KCNB2: variants seen among roughly 807,000 people sequenced by gnomAD.
KCNB2 encodes potassium voltage-gated channel subfamily B member 2.
A neutral mutation model predicts 61.5 loss-of-function variants in KCNB2; 15 were observed. That is an observed-to-expected ratio of 0.24 (90% CI 0.16 to 0.38). The LOEUF is 0.38. KCNB2 is among the 10% of genes least tolerant of loss of function. KCNB2 has a pLI of 1.00. For synonymous variants in KCNB2, 457 were observed against 446.0 expected (o/e 1.02, Z -0.31); for missense variants, 828 against 1,125.2 (o/e 0.74, Z 3.78).
intron 2 of KCNB2, among the ~76,000 whole-genome samples, chr8:72,852,493 C>A (rs1810133363): frequency 6.6e-6 from 1 of 152,088 alleles, no homozygotes; most frequent in South Asian, 2.1e-4. Flanking sequence ...TGAAATATTG[C>A]AGGGCCCGTA....
At chr8:72,596,620 A>G (rs925828839) in intron 2 of KCNB2, among the ~76,000 whole-genome samples, 2 of 152,348 alleles carry the variant, frequency 1.3e-5, no homozygotes, top group African/African-American at 4.8e-5. Flanking sequence ...ATTGCATTCT[A>G]TTTATAACTT....
chr8:72,730,053 G>A (rs1030891326), intron 2 of KCNB2, among the ~76,000 whole-genome samples: 1 of 152,108 alleles, frequency 6.6e-6, no homozygotes, highest in Non-Finnish European at 1.5e-5. Flanking sequence ...TGTTTTTGGT[G>A]TTGTTTAATG....
intron 2 of KCNB2, among the ~76,000 whole-genome samples, chr8:72,716,818 T>A (rs1256820490): frequency 6.6e-6 from 1 of 152,064 alleles, no homozygotes; most frequent in Admixed American, 6.6e-5. Context: ...GCCAGGGCAA[T>A]CAGGCAGGAG....
chr8:72,886,715 A>G (rs1044979355), intron 2 of KCNB2, among the ~76,000 whole-genome samples: 29 of 152,348 alleles, frequency 1.9e-4, no homozygotes, highest in African/African-American at 7.0e-4. Context: ...CCTGGCAATG[A>G]CGTTCACAGT....
chr8:72,840,765 G>A (rs1022280558), intron 2 of KCNB2, among the ~76,000 whole-genome samples: 1 of 151,396 alleles, frequency 6.6e-6, no homozygotes, highest in African/African-American at 2.4e-5. Context: ...TTTTTTTCTT[G>A]TAAATTTGTT....
At chr8:72,906,616 AG>A (rs1806181874) in intron 2 of KCNB2, among the ~76,000 whole-genome samples, 1 of 152,202 alleles carries the variant, frequency 6.6e-6, no homozygotes, top group Admixed American at 6.5e-5. Flanking sequence ...AACGTGGTGG[AG>A]CCAAAATAGA....
chr8:72,699,479 T>C (rs1807078538), intron 2 of KCNB2, among the ~76,000 whole-genome samples: 1 of 152,126 alleles, frequency 6.6e-6, no homozygotes, highest in South Asian at 2.1e-4. Context: ...AAGTACCCTG[T>C]AGATTCTGGA....
chr8:72,582,026 C>A (rs1170557694), intron 2 of KCNB2, among the ~76,000 whole-genome samples: 1 of 152,154 alleles, frequency 6.6e-6, no homozygotes, highest in Non-Finnish European at 1.5e-5. Context: ...CTTTACAGGT[C>A]CTAGGCCCCA....
In KCNB2 at chr8:72,937,892, G is replaced by A. The variant is rs1169950081; in HGVS notation, c.2537G>A (p.Arg846Lys). The A allele has an allele frequency of 6.2e-7, 1 of 1,614,090 alleles. No individual in the cohort carries two copies. Among genetic ancestry groups the A allele is most frequent in the African/African-American group, 1.3e-5 (1 of 75,038 alleles). The change falls in exon 3 of 3, where the codon AGA becomes AAA. Residue 846 changes from arginine to lysine, a missense_variant. This residue lies in a region of KCNB2 where 559 missense variants were observed against 588.4 expected (regional missense o/e 0.95). Transcript: ENST00000523207. ...DKPSDGRDPL[R>K]EEGSVGSSSP... ...CCTAGTGATGGGAGAGACCCTTTAA[G>A]AGAAGAGGGCAGTGTGGGCTCTTCC...
chr8:72,937,299 C>A lies in KCNB2; in HGVS notation c.1944C>A (p.Gly648=), dbSNP rs763584250. Residue 648 remains glycine (G), a synonymous_variant, in exon 3 of 3, where the codon GGC becomes GGA. Coordinates refer to ENST00000523207, the MANE Select transcript of KCNB2 (RefSeq NM_004770.3). ...PGTEEHQRAR[G]PPFLTLSREK... ...CAGAAGAGCACCAAAGAGCTAGGGGCCCCCCGTTTCTAACTCTATCCAGAG... is the reference window on the plus strand; with the variant it reads ...CAGAAGAGCACCAAAGAGCTAGGGGACCCCCGTTTCTAACTCTATCCAGAG... 2 of 1,613,642 alleles carry A rather than the reference C, an allele frequency of 1.2e-6. No homozygotes were observed. The highest frequency in any genetic ancestry group is 1.3e-5 in the African/African-American group (1 of 74,884).
chr8:72,857,554 G>A (rs1005727245), intron 2 of KCNB2, among the ~76,000 whole-genome samples: 7 of 37,644 alleles, frequency 1.9e-4, no homozygotes, highest in African/African-American at 2.8e-4. Flanking sequence ...AGGTGCCTAC[G>A]AGATGTTGTT....
At chr8:72,776,732 C>T (rs946541435) in intron 2 of KCNB2, among the ~76,000 whole-genome samples, 8 of 152,250 alleles carry the variant, frequency 5.3e-5, no homozygotes, top group African/African-American at 1.2e-4. Flanking sequence ...GTTCGGAGAT[C>T]GGCATGCAGT....
intron 2 of KCNB2, among the ~76,000 whole-genome samples, chr8:72,917,425 G>T (rs900578517): frequency 6.6e-5 from 10 of 152,030 alleles, no homozygotes; most frequent in African/African-American, 2.4e-4. Context: ...GAATAATAGA[G>T]AATTTATGCT....
At chr8:72,606,727 G>A (rs1185124016) in intron 2 of KCNB2, among the ~76,000 whole-genome samples, 2 of 152,158 alleles carry the variant, frequency 1.3e-5, no homozygotes, top group African/African-American at 4.8e-5. Flanking sequence ...TCCCCACGGG[G>A]AAAAAGACCC....
intron 2 of KCNB2, among the ~76,000 whole-genome samples, chr8:72,885,537 A>G (rs10081518): frequency 0.89 from 134,964 of 152,164 alleles, 60,658 homozygotes; most frequent in African/African-American, 0.98. Flanking sequence ...TTAAGTCATC[A>G]TTTTCTAGGA....
chr8:72,584,836 T>C (rs1444789775), intron 2 of KCNB2, among the ~76,000 whole-genome samples: 2 of 152,138 alleles, frequency 1.3e-5, no homozygotes, highest in African/African-American at 2.4e-5. Flanking sequence ...GAGCCCAGAT[T>C]TGGAGTTGCT....
chr8:72,884,878 A>G (rs1302734143), intron 2 of KCNB2, among the ~76,000 whole-genome samples: 1 of 152,164 alleles, frequency 6.6e-6, no homozygotes, highest in African/African-American at 2.4e-5. Flanking sequence ...AGCTCTTTTT[A>G]ACCTTTTGCT....
At chr8:72,784,265 A>C (rs1413415524) in intron 2 of KCNB2, among the ~76,000 whole-genome samples, 2 of 151,184 alleles carry the variant, frequency 1.3e-5, no homozygotes, top group Non-Finnish European at 2.9e-5. Flanking sequence ...ACCACCCACA[A>C]CCCCCTACTC....
chr8:72,884,521 A>C (rs1410595056), intron 2 of KCNB2, among the ~76,000 whole-genome samples: 2 of 152,176 alleles, frequency 1.3e-5, no homozygotes, highest in Non-Finnish European at 2.9e-5. Context: ...TTTAAGAAAC[A>C]TCTCCCTACT....
Sources: allele counts gnomAD v4.1 joint callset (sites outside exome capture counted in the v4.1 genomes callset), GRCh38; gene constraint gnomAD v4.1.1; regional missense constraint gnomAD v4.1.1; transcripts MANE v1.5; gene names NCBI Gene and HGNC (gene_info 2026-07-23, HGNC 2026-07-21).